The following SLC37A1 variants were observed in gnomAD, a reference collection of about 807,000 sequenced individuals.
The protein encoded by SLC37A1 is glucose-6-phosphate exchanger SLC37A1.
In SLC37A1, 49 loss-of-function variants were observed where a neutral mutation model predicts 75.3. The ratio of observed to expected loss-of-function variants is 0.65; its 90% CI spans 0.52 to 0.83. The LOEUF (loss-of-function observed/expected upper bound fraction) is 0.83. Ranked by LOEUF, SLC37A1 falls within the 40% of genes least tolerant of loss-of-function variation. The pLI, the probability that SLC37A1 is intolerant of heterozygous loss-of-function variation, is 0.00. For synonymous variants in SLC37A1, 268 were observed against 292.1 expected (o/e 0.92, Z 0.84); for missense variants, 566 against 695.0 (o/e 0.81, Z 2.09).
chr21:42,501,148 T>C (rs189184997), intron 1 of SLC37A1, among the ~76,000 whole-genome samples: 1 of 152,360 alleles, frequency 6.6e-6, no homozygotes, highest in Non-Finnish European at 1.5e-5. Context: ...CCAACACAGG[T>C]TTATCAAATT....
chr21:42,579,849 G>A (rs1462475207), intron 19 of SLC37A1, 49 bp downstream of exon 19: 1 of 1,589,360 alleles, frequency 6.3e-7, no homozygotes, highest in Admixed American at 1.7e-5. Context: ...CGGCTCCAAA[G>A]TGCCTTCTGT....
chr21:42,568,335 C>G, intron 16 of SLC37A1, 25 bp from the exon 17 acceptor site: 3 of 1,597,478 alleles, frequency 1.9e-6, no homozygotes, highest in Non-Finnish European at 2.6e-6. Context: ...GCGATAACTG[C>G]ACGTCTGTTT....
At chr21:42,564,687 A>G (rs997069987) in intron 13 of SLC37A1, 21 bp from the exon 14 acceptor site, 16 of 1,606,122 alleles carry the variant, frequency 1.0e-5, no homozygotes, top group African/African-American at 1.3e-5. Context: ...TCAGTGCCTG[A>G]AGCCCGCCTC....
At chr21:42,563,023 TGAG>T (rs1339081184) in intron 12 of SLC37A1, among the ~76,000 whole-genome samples, 1 of 151,962 alleles carries the variant, frequency 6.6e-6, no homozygotes, top group African/African-American at 2.4e-5. Flanking sequence ...GGAGGGAAGT[TGAG>T]GAGGCGGTCT....
chr21:42,575,766 G>A (rs1313283719), intron 18 of SLC37A1: 1 of 985,170 alleles, frequency 1.0e-6, no homozygotes, highest in Admixed American at 6.2e-5. Flanking sequence ...TTTAATTCCA[G>A]GAAATTCTAA....
chr21:42,499,810 C>A (rs1164933628), intron 1 of SLC37A1: 1 of 152,312 alleles, frequency 6.6e-6, no homozygotes, highest in African/African-American at 2.4e-5. Flanking sequence ...TACCCATTAA[C>A]CCCTTCAAAA....
intron 2 of SLC37A1, among the ~76,000 whole-genome samples, chr21:42,519,554 G>A (rs2054595174): frequency 6.6e-6 from 1 of 152,198 alleles, no homozygotes; most frequent in Non-Finnish European, 1.5e-5. Flanking sequence ...GAACGCAAAT[G>A]CCTTCTGCTC....
intron 11 of SLC37A1, among the ~76,000 whole-genome samples, chr21:42,559,543 C>T (rs977629907): frequency 3.9e-5 from 6 of 152,236 alleles, no homozygotes; most frequent in African/African-American, 1.4e-4. Context: ...AGTGCTGCGC[C>T]GTGGCCTTCG....
chr21:42,573,841 T>C (rs1201840268), intron 17 of SLC37A1, among the ~76,000 whole-genome samples: 1 of 152,232 alleles, frequency 6.6e-6, no homozygotes, highest in East Asian at 1.9e-4. Flanking sequence ...CTTGGTAAAA[T>C]GCACCAGATG....
chr21:42,530,865 G>A (rs2054953976), intron 3 of SLC37A1, among the ~76,000 whole-genome samples: 1 of 152,140 alleles, frequency 6.6e-6, no homozygotes, highest in East Asian at 1.9e-4. Context: ...GTAGTCTTAG[G>A]CAACTTAGGT....
At chr21:42,523,607 A>G (rs1022964813) in intron 2 of SLC37A1, among the ~76,000 whole-genome samples, 3 of 152,286 alleles carry the variant, frequency 2.0e-5, no homozygotes, top group Non-Finnish European at 4.4e-5. Flanking sequence ...CTGTACCCAC[A>G]TAGCCTTTGT....
chr21:42,570,177 G>GT (rs2056111498), intron 17 of SLC37A1, among the ~76,000 whole-genome samples: 3 of 110,526 alleles, frequency 2.7e-5, no homozygotes, highest in African/African-American at 9.8e-5. Context: ...GGTGGCCATT[G>GT]CCATGTGACA....
chr21:42,525,262 C>T (rs780395419), intron 2 of SLC37A1, among the ~76,000 whole-genome samples: 5 of 152,232 alleles, frequency 3.3e-5, no homozygotes, highest in Admixed American at 6.5e-5. Flanking sequence ...GCAAATTAAT[C>T]GAACCTGAGA....
At chr21:42,503,613 T>G (rs1288231703) in intron 2 of SLC37A1, among the ~76,000 whole-genome samples, 1 of 152,182 alleles carries the variant, frequency 6.6e-6, no homozygotes, top group Non-Finnish European at 1.5e-5. Flanking sequence ...TCACTCATGT[T>G]TCTTGGGTGA....
At chr21:42,568,914 G>A (rs1264029239) in intron 17 of SLC37A1, among the ~76,000 whole-genome samples, 4 of 152,268 alleles carry the variant, frequency 2.6e-5, no homozygotes, top group Non-Finnish European at 4.4e-5. Context: ...GCAGGCAGGT[G>A]GAGCTGGCAG....
intron 11 of SLC37A1, among the ~76,000 whole-genome samples, chr21:42,561,120 T>A (rs925295245): frequency 6.6e-6 from 1 of 152,226 alleles, no homozygotes. Flanking sequence ...CCTCATCAAC[T>A]GTGAAGACAT....
chr21:42,522,223 T>C (rs1019176126), intron 2 of SLC37A1, among the ~76,000 whole-genome samples: 7 of 152,174 alleles, frequency 4.6e-5, no homozygotes, highest in African/African-American at 1.7e-4. Flanking sequence ...CGTTCTGAGG[T>C]TTTGGGTGGA....
rs768750689 is a variant in SLC37A1, at chr21:42,579,789, G to A, written c.1575G>A (p.Gly525=). 1.2e-6 allele frequency: 2 copies of A among 1,614,036 alleles called. No homozygotes were observed. The highest frequency in any genetic ancestry group is 1.7e-5 in the Admixed American group (1 of 60,006). ...KELSCPGSAT[G]DQVPFKEQ ...TGAGCTGCCCAGGGTCAGCTACGGG[G>A]GACCAAGTTCCGTAAGTCCCACTCG... is the stretch of plus-strand genomic sequence containing the variant. Residue 525 remains glycine, a synonymous_variant, in exon 19 of 20, where the codon GGG becomes GGA. Transcript: ENST00000352133.
At chr21:42,559,218 C>A in intron 11 of SLC37A1, 129 bp downstream of exon 11, 3 of 1,167,618 alleles carry the variant, frequency 2.6e-6, no homozygotes, top group Non-Finnish European at 3.5e-6. Context: ...AATCCATAGC[C>A]AAAGCTAGAC....
Sources: allele counts gnomAD v4.1 joint callset (sites outside exome capture counted in the v4.1 genomes callset), GRCh38; gene constraint gnomAD v4.1.1; transcripts MANE v1.5; gene names NCBI Gene and HGNC (gene_info 2026-07-23, HGNC 2026-07-21).